GNAI1: variants seen among roughly 807,000 people sequenced by gnomAD.
The protein encoded by GNAI1 is guanine nucleotide-binding protein G(i) subunit alpha-1.
GNAI1 carries 11 observed loss-of-function variants against 38.9 expected under a neutral mutation model. That is an observed-to-expected ratio of 0.28 (90% CI 0.18 to 0.47). The LOEUF (loss-of-function observed/expected upper bound fraction) is 0.47. GNAI1 is among the 20% of genes least tolerant of loss of function. The probability of loss-of-function intolerance (pLI) is 0.99; values close to 1 mark genes in which losing one functional copy is unlikely to be tolerated. For missense variants in GNAI1, 317 were observed against 436.9 expected (o/e 0.73, Z 2.45); for synonymous variants, 166 against 145.1 (o/e 1.14, Z -1.04).
In GNAI1 at chr7:80,135,205, G is replaced by T. The variant is rs762035205; in HGVS notation, c.45G>T (p.Arg15=). 1.3e-6 allele frequency: 2 copies of T among 1,560,728 alleles called. No individual in the cohort carries two copies. The highest frequency in any genetic ancestry group is 1.7e-6 in the Non-Finnish European group (2 of 1,154,572). ...CCGAGGACAAGGCGGCGGTGGAGCG[G>T]AGTAAGATGATCGACCGCAACCTCC... ...LSAEDKAAVE[R]SKMIDRNLRE... Residue 15 remains arginine, a synonymous_variant, in exon 1 of 8, where the codon CGG becomes CGT. Coordinates refer to ENST00000649796, the MANE Select transcript of GNAI1 (RefSeq NM_002069.6).
chr7:80,171,895 T>G (rs1045842532), intron 1 of GNAI1, among the ~76,000 whole-genome samples: 15 of 152,192 alleles, frequency 9.9e-5, no homozygotes, highest in Non-Finnish European at 1.0e-4. Context: ...ACACCACATC[T>G]CTGTATATAA....
intron 1 of GNAI1, among the ~76,000 whole-genome samples, chr7:80,145,747 A>T (rs2040741): frequency 0.84 from 128,304 of 152,124 alleles, 55,010 homozygotes; most frequent in Non-Finnish European, 0.93. Flanking sequence ...CTCTGTCTCG[A>T]GGTAAATTGT....
chr7:80,178,045 G>GA (rs1243876958), intron 1 of GNAI1, among the ~76,000 whole-genome samples: 1 of 152,194 alleles, frequency 6.6e-6, no homozygotes, highest in Non-Finnish European at 1.5e-5. Context: ...TGCCTGGGTT[G>GA]ATTCTAACCC....
At chr7:80,163,035 C>G (rs564545546) in intron 1 of GNAI1, among the ~76,000 whole-genome samples, 4 of 152,094 alleles carry the variant, frequency 2.6e-5, no homozygotes, top group Non-Finnish European at 4.4e-5. Context: ...ATGATAGATT[C>G]AAGGAAGACT....
chr7:80,204,773 A>G (rs1788744702), intron 5 of GNAI1, among the ~76,000 whole-genome samples: 1 of 152,202 alleles, frequency 6.6e-6, no homozygotes, highest in Admixed American at 6.5e-5. Context: ...TTAATGTAAT[A>G]GTAAAATCAT....
At chr7:80,165,708 A>T (rs1024801803) in intron 1 of GNAI1, among the ~76,000 whole-genome samples, 1 of 152,136 alleles carries the variant, frequency 6.6e-6, no homozygotes, top group Non-Finnish European at 1.5e-5. Context: ...ATATTCTGTA[A>T]CTAGAAGTAG....
chr7:80,194,939 G>T (rs1452715132), intron 3 of GNAI1, among the ~76,000 whole-genome samples: 1 of 151,702 alleles, frequency 6.6e-6, no homozygotes, highest in African/African-American at 2.4e-5. Flanking sequence ...GTAGTATTCT[G>T]GTTTATGTTT....
intron 1 of GNAI1, among the ~76,000 whole-genome samples, chr7:80,154,816 C>G (rs1354299838): frequency 6.6e-6 from 1 of 152,128 alleles, no homozygotes; most frequent in Non-Finnish European, 1.5e-5. Flanking sequence ...GTCAGTGGAG[C>G]TTTGGGCTCA....
intron 1 of GNAI1, among the ~76,000 whole-genome samples, chr7:80,162,571 C>A (rs994515640): frequency 1.3e-5 from 2 of 152,160 alleles, no homozygotes; most frequent in Non-Finnish European, 2.9e-5. Context: ...CAGCTGAATT[C>A]TTTTCAGCTT....
intron 5 of GNAI1, among the ~76,000 whole-genome samples, chr7:80,207,851 A>T (rs1395144896): frequency 6.6e-6 from 1 of 152,120 alleles, no homozygotes; most frequent in Admixed American, 6.6e-5. Context: ...GTGATTAGGC[A>T]TTTATGGCCA....
intron 6 of GNAI1, among the ~76,000 whole-genome samples, chr7:80,211,733 A>G (rs1788877885): frequency 6.6e-6 from 1 of 152,058 alleles, no homozygotes; most frequent in South Asian, 2.1e-4. Flanking sequence ...AATCTTTAAT[A>G]TATGTTATGC....
intron 1 of GNAI1, among the ~76,000 whole-genome samples, chr7:80,175,703 T>C (rs1203315807): frequency 6.6e-6 from 1 of 152,188 alleles, no homozygotes; most frequent in Non-Finnish European, 1.5e-5. Context: ...TGATCTGGGA[T>C]CAGTGATCTT....
chr7:80,208,089 G>T (rs988009323), intron 5 of GNAI1, among the ~76,000 whole-genome samples: 2 of 151,986 alleles, frequency 1.3e-5, no homozygotes, highest in African/African-American at 4.8e-5. Context: ...GTTAGTTTTG[G>T]TGACAGTGGT....
intron 1 of GNAI1, chr7:80,135,993 TGTGAAAGAGCGAGAGG>T: frequency 1.8e-5 from 18 of 985,350 alleles, no homozygotes; most frequent in Non-Finnish European, 2.2e-5. Flanking sequence ...TGAAAACTGC[TGTGAAAGAGCGAGAGG>T]GTCACGCCAG....
chr7:80,160,256 A>G (rs1447484066), intron 1 of GNAI1, among the ~76,000 whole-genome samples: 4 of 151,974 alleles, frequency 2.6e-5, no homozygotes, highest in African/African-American at 9.7e-5. Flanking sequence ...CAAAAACAAA[A>G]CAAAACATTC....
At chr7:80,207,043 G>A (rs1263653514) in intron 5 of GNAI1, among the ~76,000 whole-genome samples, 5 of 152,066 alleles carry the variant, frequency 3.3e-5, no homozygotes, top group Admixed American at 3.3e-4. Context: ...TGGAGTTGGA[G>A]TTAACAAGTA....
intron 3 of GNAI1, 124 bp from the exon 4 acceptor site, chr7:80,199,101 G>C (rs984299677): frequency 1.6e-6 from 1 of 624,510 alleles, no homozygotes; most frequent in Non-Finnish European, 2.7e-6. Flanking sequence ...AAGTAATGAC[G>C]TGTTAATAAA....
At chr7:80,138,479 GAAGT>G (rs1213424298) in intron 1 of GNAI1, among the ~76,000 whole-genome samples, 48 of 152,254 alleles carry the variant, frequency 3.2e-4, no homozygotes, top group Non-Finnish European at 6.2e-4. Flanking sequence ...ACATTTTAAA[GAAGT>G]AAGTAATAAT....
intron 5 of GNAI1, among the ~76,000 whole-genome samples, chr7:80,208,833 T>G (rs1268517020): frequency 6.6e-6 from 1 of 152,178 alleles, no homozygotes; most frequent in Non-Finnish European, 1.5e-5. Flanking sequence ...AGTTGCACCT[T>G]CCACCCAGCG....
Sources: allele counts gnomAD v4.1 joint callset (sites outside exome capture counted in the v4.1 genomes callset), GRCh38; gene constraint gnomAD v4.1.1; transcripts MANE v1.5; gene names NCBI Gene and HGNC (gene_info 2026-07-23, HGNC 2026-07-21).